GOLM1: variants seen among roughly 807,000 people sequenced by gnomAD.
The protein encoded by GOLM1 is golgi membrane protein 1, also known as epididymis luminal protein 46.
Under a neutral mutation model 50.5 loss-of-function variants are expected in GOLM1, and 31 were observed. The observed-to-expected ratio is 0.61, with a 90% confidence interval of 0.46 to 0.83. The LOEUF is 0.83. Ranked by LOEUF, GOLM1 falls within the 40% of genes least tolerant of loss-of-function variation. The pLI, the probability that GOLM1 is intolerant of heterozygous loss-of-function variation, is 0.00. For synonymous variants in GOLM1, 178 were observed against 192.8 expected (o/e 0.92, Z 0.64); for missense variants, 491 against 501.3 (o/e 0.98, Z 0.20).
At chr9:86,053,455 C>T (rs1190486702) in intron 3 of GOLM1, among the ~76,000 whole-genome samples, 1 of 137,008 alleles carries the variant, frequency 7.3e-6, no homozygotes, top group Non-Finnish European at 1.6e-5. Context: ...CATACCAAAC[C>T]ACATCACACC....
chr9:86,096,788 A>T (rs557550914), intron 1 of GOLM1, among the ~76,000 whole-genome samples: 1 of 152,346 alleles, frequency 6.6e-6, no homozygotes, highest in East Asian at 1.9e-4. Context: ...CAATATAACC[A>T]TAACAGCAAA....
At chr9:86,077,718 A>C (rs1454714998) in intron 2 of GOLM1, 127 bp from the exon 3 acceptor site, 6 of 665,182 alleles carry the variant, frequency 9.0e-6, no homozygotes, top group Non-Finnish European at 1.6e-5. Flanking sequence ...ACAAGTGCCC[A>C]AGGCTGTGTT....
intron 1 of GOLM1, among the ~76,000 whole-genome samples, chr9:86,090,310 G>A (rs141563983): frequency 2.2e-3 from 335 of 152,302 alleles, no homozygotes; most frequent in African/African-American, 7.8e-3. Context: ...AGAGCTGGCA[G>A]GCAGGAACAT....
intron 4 of GOLM1, among the ~76,000 whole-genome samples, chr9:86,049,990 A>C (rs1833685567): frequency 6.6e-6 from 1 of 152,212 alleles, no homozygotes; most frequent in Non-Finnish European, 1.5e-5. Flanking sequence ...TCAGTATGAT[A>C]ATGGCTGTGG....
Position 86,078,675 on chromosome 9 carries a change from CT to C in GOLM1, c.129+516del, listed in dbSNP as rs535017651. On this transcript the variant is annotated intron_variant, in intron 2 of 9. Coordinates refer to ENST00000388712, the MANE Select transcript of GOLM1 (RefSeq NM_016548.4). ...ACTCAAGTTCAATCAAGAGGAGCAT[CT>C]TTGTCACTGCTCAGCACTGCACCTG... 3.3e-5 allele frequency among the ~76,000 whole-genome samples: 5 copies of C among 152,290 alleles called. No homozygotes were observed. The East Asian group carries it at 9.6e-4, about 29-fold the overall frequency.
intron 4 of GOLM1, among the ~76,000 whole-genome samples, chr9:86,048,757 T>C (rs1833641129): frequency 6.6e-6 from 1 of 152,218 alleles, no homozygotes; most frequent in African/African-American, 2.4e-5. Flanking sequence ...TTTAAGTTCT[T>C]TATAGATTCT....
rs1182670532 is a variant in GOLM1 at position 86,054,508 on chromosome 9, G to A, written c.310-1917C>T. 5.3e-5 allele frequency among the ~76,000 whole-genome samples: 8 copies of A among 152,324 alleles called. 1 individual carries two copies. The South Asian group carries it at 8.3e-4, about 16-fold the overall frequency. On this transcript the variant is annotated intron_variant, in intron 3 of 9. Transcript: ENST00000388712. ...CAAAGTGCTGGGATTACAGGCGTGA[G>A]CCACTGCGCCCGGCCTCATGTATTC...
intron 1 of GOLM1, among the ~76,000 whole-genome samples, chr9:86,083,480 G>T (rs1315451477): frequency 6.6e-6 from 1 of 152,178 alleles, no homozygotes; most frequent in Non-Finnish European, 1.5e-5. Flanking sequence ...CGACTCCCAG[G>T]TTCAAAGGAT....
intron 3 of GOLM1, among the ~76,000 whole-genome samples, chr9:86,073,534 G>A (rs1834516727): frequency 1.3e-5 from 2 of 152,156 alleles, no homozygotes; most frequent in Admixed American, 1.3e-4. Flanking sequence ...TTTCAGGGGG[G>A]TGCACAACTC....
rs140455689 is a variant in GOLM1 at position 86,037,406 on chromosome 9, C to T, written c.598-899G>A. Among the ~76,000 whole-genome samples the T allele has an allele frequency of 1.3e-3, 194 of 149,560 alleles. 1 individual carries two copies. Among genetic ancestry groups the T allele is most frequent in the African/African-American group, 4.6e-3 (184 of 40,114 alleles). ...TGAGCCAAGATCATGCCATTGCATT[C>T]CAGCCTGGGGCGACAGAGCGAGACT... is the stretch of plus-strand genomic sequence containing the variant. On this transcript the variant is annotated intron_variant, in intron 6 of 9. Transcript: ENST00000388712.
At chr9:86,065,730 T>TG (rs1187511503) in intron 3 of GOLM1, among the ~76,000 whole-genome samples, 2 of 152,090 alleles carry the variant, frequency 1.3e-5, no homozygotes, top group South Asian at 2.1e-4. Flanking sequence ...CCTAAAGAAA[T>TG]GAAGTTAGAA....
At position 86,027,433 on chromosome 9, in the gene GOLM1, TTC is replaced by T; in HGVS notation, c.*382_*383del. The T allele has an allele frequency of 4.9e-6, 5 of 1,019,138 alleles. No individual in the cohort carries two copies. The highest frequency in any genetic ancestry group is 5.9e-6 in the Non-Finnish European group (5 of 851,958). The allele number at this position is 1,019,138 out of a possible 1,614,324, so 63.1% of individuals were successfully genotyped here. ...GTGGACAGGACGACGGAACCCAGAGTTCTCTGTCTCTCCTTCACAGCAGATGG... is the reference window on the plus strand; with the variant it reads ...GTGGACAGGACGACGGAACCCAGAGTTCTGTCTCTCCTTCACAGCAGATGG... On this transcript the variant is annotated 3_prime_UTR_variant, in exon 10 of 10. Transcript: ENST00000388712.
At chr9:86,045,875 C>G (rs1833523401) in intron 5 of GOLM1, among the ~76,000 whole-genome samples, 1 of 152,078 alleles carries the variant, frequency 6.6e-6, no homozygotes, top group Non-Finnish European at 1.5e-5. Context: ...CTCTGAATCC[C>G]AAACTTCCCA....
chr9:86,033,219 G>A lies in GOLM1; in HGVS notation c.1129+63C>T, dbSNP rs549354949. ...TTTTGGGGATTCATTGGATAATCAC[G>A]GTGAAGGACCAGGAAAGAGAAATGA... On this transcript the variant is annotated intron_variant, in intron 9 of 9. Transcript: ENST00000388712. 4.0e-5 allele frequency: 36 copies of A among 893,584 alleles called. No individual in the cohort carries two copies. The East Asian group carries it at 4.8e-4, about 12-fold the overall frequency. 55.4% of individuals were successfully genotyped at this position (893,584 alleles called of 1,614,324 possible). A position where few individuals can be genotyped will look rare whatever the true frequency, so the allele number is the denominator to read the frequency against.
intron 5 of GOLM1, among the ~76,000 whole-genome samples, chr9:86,041,951 A>G (rs962601586): frequency 1.3e-5 from 2 of 152,206 alleles, no homozygotes; most frequent in African/African-American, 4.8e-5. Context: ...CCCTGTCTCT[A>G]TTAAAAACAC....
At chr9:86,046,838 T>C (rs1205557002) in intron 4 of GOLM1, among the ~76,000 whole-genome samples, 1 of 152,246 alleles carries the variant, frequency 6.6e-6, no homozygotes, top group Admixed American at 6.5e-5. Context: ...ATCTCCTTTT[T>C]GGCCGCTAGC....
At position 86,027,519 on chromosome 9, in the gene GOLM1, C is replaced by T. The variant is rs912106674; in HGVS notation, c.*298G>A. 18 of 1,174,316 alleles carry T rather than the reference C, an allele frequency of 1.5e-5. No homozygotes were observed. The African/African-American group carries it at 2.1e-4, about 14-fold the overall frequency. 72.7% of individuals were successfully genotyped at this position (1,174,316 alleles called of 1,614,324 possible). ...GTTATATTCCAGAATCAGGAAGCCCCGCTGTCGCCAACACTTGAAGGAGAA... is the reference window on the plus strand; with the variant it reads ...GTTATATTCCAGAATCAGGAAGCCCTGCTGTCGCCAACACTTGAAGGAGAA... On this transcript the variant is annotated 3_prime_UTR_variant, in exon 10 of 10. Transcript: ENST00000388712.
In GOLM1 at chr9:86,082,056, T is replaced by A. The variant is rs1249026102; in HGVS notation, c.-21-2715A>T. ...TTTTTTTTTTTTTTTTGAGATGGAG[T>A]CTCTCTCTGTTGCCCAGGCTGGAGT... On this transcript the variant is annotated intron_variant, in intron 1 of 9. Transcript: ENST00000388712. 9.6e-5 allele frequency among the ~76,000 whole-genome samples: 9 copies of A among 93,908 alleles called. 1 individual carries two copies. The Admixed American group carries it at 1.3e-3, about 13-fold the overall frequency. The allele number at this position is 93,908 out of a possible 152,430, so 61.6% of individuals were successfully genotyped here.
At chr9:86,088,595 T>C (rs1276050514) in intron 1 of GOLM1, among the ~76,000 whole-genome samples, 2 of 149,934 alleles carry the variant, frequency 1.3e-5, no homozygotes, top group East Asian at 1.9e-4. Flanking sequence ...TTTTGTTTTG[T>C]TTTTTTGCTT....
Sources: allele counts gnomAD v4.1 joint callset (sites outside exome capture counted in the v4.1 genomes callset), GRCh38; gene constraint gnomAD v4.1.1; transcripts MANE v1.5; gene names NCBI Gene and HGNC (gene_info 2026-07-23, HGNC 2026-07-21).